RGS6: variants seen among roughly 807,000 people sequenced by gnomAD.
RGS6 encodes the protein regulator of G protein signaling 6.
Under a neutral mutation model 78.5 loss-of-function variants are expected in RGS6, and 30 were observed. That is an observed-to-expected ratio of 0.38 (90% CI 0.29 to 0.52). The LOEUF is 0.52. Among genes scored for constraint, RGS6 ranks in the 20% least tolerant of loss-of-function variants. The pLI is 0.85. For missense variants in RGS6, 495 were observed against 609.7 expected, an observed-to-expected ratio of 0.81 and a Z score of 1.98; for synonymous variants, 206 against 206.0, an observed-to-expected ratio of 1.00 and a Z score of 0.00.
intron 2 of RGS6, among the ~76,000 whole-genome samples, chr14:72,067,471 A>G (rs8005058): frequency 0.65 from 99,082 of 151,988 alleles, 32,715 homozygotes; most frequent in East Asian, 0.81. Context: ...CCAGAACTTA[A>G]AGTAAAATTT....
chr14:72,474,717 A>G lies in RGS6; in HGVS notation c.693+18A>G, dbSNP rs1255174884. 1.2e-6 allele frequency: 2 copies of G among 1,606,464 alleles called. No homozygotes were observed. The highest frequency in any genetic ancestry group is 1.3e-5 in the African/African-American group (1 of 74,494). On this transcript the variant is annotated intron_variant, in intron 10 of 17. Coordinates refer to ENST00000553525, the MANE Select transcript of RGS6 (RefSeq NM_001204424.2). ...TTAAAAAGGTTCGCTAGTTTAGCTG[A>G]GTTAAAAATTCCTGATGTGAATAGC...
intron 2 of RGS6, among the ~76,000 whole-genome samples, chr14:72,147,925 A>T (rs1270197150): frequency 1.3e-5 from 2 of 152,044 alleles, no homozygotes; most frequent in African/African-American, 4.8e-5. Context: ...AAGTCAGGAG[A>T]TTGAGACCAT....
the RGS6 span, among the ~76,000 whole-genome samples, chr14:72,593,098 G>A: frequency 2.0e-5 from 3 of 152,124 alleles, no homozygotes; most frequent in African/African-American, 4.8e-5. Context: ...GGCCATCCTT[G>A]ACAAGGAAGC....
At chr14:72,358,286 G>T (rs1201539021) in intron 3 of RGS6, among the ~76,000 whole-genome samples, 1 of 152,194 alleles carries the variant, frequency 6.6e-6, no homozygotes, top group African/African-American at 2.4e-5. Context: ...AGTCCCCACT[G>T]GGGCACTGCC....
intron 12 of RGS6, among the ~76,000 whole-genome samples, chr14:72,493,512 A>G (rs1223652407): frequency 2.0e-5 from 3 of 151,526 alleles, no homozygotes; most frequent in Non-Finnish European, 4.4e-5. Context: ...AAAAAAAAAT[A>G]TAGGACAAGC....
intron 13 of RGS6, among the ~76,000 whole-genome samples, chr14:72,495,568 G>A (rs1425315172): frequency 6.6e-6 from 1 of 152,010 alleles, no homozygotes; most frequent in African/African-American, 2.4e-5. Context: ...TTTCCTGTTA[G>A]ACAGCAACAA....
At chr14:72,153,730 G>T (rs934518774) in intron 2 of RGS6, among the ~76,000 whole-genome samples, 1 of 152,122 alleles carries the variant, frequency 6.6e-6, no homozygotes, top group Non-Finnish European at 1.5e-5. Context: ...TACGACCAGG[G>T]AGTAGGTACA....
the RGS6 span, among the ~76,000 whole-genome samples, chr14:72,628,515 A>G: frequency 6.6e-6 from 1 of 152,188 alleles, no homozygotes; most frequent in African/African-American, 2.4e-5. Context: ...TGCAACCCCT[A>G]ACAAAATAGT....
At chr14:72,192,543 A>G (rs1325398304) in intron 2 of RGS6, among the ~76,000 whole-genome samples, 4 of 152,188 alleles carry the variant, frequency 2.6e-5, no homozygotes, top group Non-Finnish European at 4.4e-5. Context: ...CTCACTTTCC[A>G]GAAAAAGGAC....
chr14:72,597,760 T>C, the RGS6 span, among the ~76,000 whole-genome samples: 1 of 152,178 alleles, frequency 6.6e-6, no homozygotes, highest in Non-Finnish European at 1.5e-5. Flanking sequence ...TTGTGTGTTA[T>C]TTTTCCTGGA....
intron 2 of RGS6, among the ~76,000 whole-genome samples, chr14:72,206,926 G>T (rs2042857562): frequency 6.6e-6 from 1 of 152,086 alleles, no homozygotes; most frequent in African/African-American, 2.4e-5. Context: ...GTTAATAGTG[G>T]TTATTCTTCC....
intron 2 of RGS6, among the ~76,000 whole-genome samples, chr14:71,979,839 C>A (rs1028126582): frequency 6.6e-6 from 1 of 150,956 alleles, no homozygotes; most frequent in Admixed American, 6.6e-5. Context: ...TCTCATTGAT[C>A]TGTCTAATGT....
At chr14:72,503,730 C>CTCCACCTCCATAGA (rs553872830) in intron 13 of RGS6, among the ~76,000 whole-genome samples, 314 of 152,338 alleles carry the variant, frequency 2.1e-3, no homozygotes, top group African/African-American at 7.3e-3. Flanking sequence ...GGGGCAGCAG[C>CTCCACCTCCATAGA]CCCACCTCCA....
intron 3 of RGS6, among the ~76,000 whole-genome samples, chr14:72,417,935 C>T (rs1260333352): frequency 6.6e-6 from 1 of 152,148 alleles, no homozygotes; most frequent in East Asian, 1.9e-4. Flanking sequence ...GTACTTTAAG[C>T]TTAATGTGAC....
intron 3 of RGS6, among the ~76,000 whole-genome samples, chr14:72,425,140 G>A (rs543668805): frequency 6.6e-6 from 1 of 152,252 alleles, no homozygotes; most frequent in African/African-American, 2.4e-5. Context: ...GATTGGAAGG[G>A]GAAAATCTTT....
intron 17 of RGS6, chr14:72,552,680 C>G (rs2097523983): frequency 6.6e-6 from 1 of 152,144 alleles, no homozygotes; most frequent in South Asian, 2.1e-4. Context: ...CTTTTTTAAC[C>G]ACTTATTCCA....
chr14:72,518,033 C>T (rs2096976583), intron 14 of RGS6, among the ~76,000 whole-genome samples: 1 of 152,190 alleles, frequency 6.6e-6, no homozygotes, highest in South Asian at 2.1e-4. Context: ...AGAATAGCCT[C>T]AACAACAAAG....
At chr14:72,095,918 T>A (rs1209314800) in intron 2 of RGS6, among the ~76,000 whole-genome samples, 1 of 152,240 alleles carries the variant, frequency 6.6e-6, no homozygotes, top group Non-Finnish European at 1.5e-5. Context: ...GAGATAGTTT[T>A]GCTTTGTTTC....
At chr14:71,959,126 C>T (rs1335522531) in intron 1 of RGS6, among the ~76,000 whole-genome samples, 1 of 152,038 alleles carries the variant, frequency 6.6e-6, no homozygotes, top group African/African-American at 2.4e-5. Flanking sequence ...ATTTGAACTT[C>T]GAATATATAG....
Sources: allele counts gnomAD v4.1 joint callset (sites outside exome capture counted in the v4.1 genomes callset), GRCh38; gene constraint gnomAD v4.1.1; transcripts MANE v1.5; gene names NCBI Gene and HGNC (gene_info 2026-07-23, HGNC 2026-07-21).